The following PHC2 variants were observed in gnomAD, a reference collection of about 807,000 sequenced individuals.
PHC2 encodes the protein polyhomeotic-like protein 2.
In PHC2, 29 loss-of-function variants were observed where a neutral mutation model predicts 87.4. That is an observed-to-expected ratio of 0.33 (90% CI 0.25 to 0.45). The LOEUF (loss-of-function observed/expected upper bound fraction) is 0.45. PHC2 is among the 20% of genes least tolerant of loss of function. The pLI, the probability that PHC2 is intolerant of heterozygous loss-of-function variation, is 1.00. For synonymous variants in PHC2, 438 were observed against 461.7 expected, an observed-to-expected ratio of 0.95 and a Z score of 0.66; for missense variants, 857 against 1,136.7, an observed-to-expected ratio of 0.75 and a Z score of 3.54.
intron 9 of PHC2, among the ~76,000 whole-genome samples, chr1:33,350,718 A>C (rs1570472342): frequency 3.5e-5 from 5 of 140,992 alleles, no homozygotes; most frequent in South Asian, 2.3e-4. Flanking sequence ...TTCTCCCCCC[A>C]CCCCTTTCCA....
At chr1:33,345,644 A>G in intron 9 of PHC2, 2 of 983,974 alleles carry the variant, frequency 2.0e-6, no homozygotes, top group Middle Eastern at 5.2e-4. Context: ...TCTAAATTGT[A>G]TAATTCTTGA....
intron 1 of PHC2, among the ~76,000 whole-genome samples, chr1:33,417,557 G>A (rs942525483): frequency 1.3e-5 from 2 of 152,082 alleles, no homozygotes; most frequent in Non-Finnish European, 2.9e-5. Context: ...TAATGATAAA[G>A]GGGCAGTTCA....
chr1:33,387,471 A>G (rs1648823410), intron 1 of PHC2, among the ~76,000 whole-genome samples: 1 of 152,208 alleles, frequency 6.6e-6, no homozygotes. Context: ...GGCCTTAATT[A>G]GGTATGTAGA....
At position 33,368,383 on chromosome 1, in the gene PHC2, G is replaced by A. The variant is rs182484182; in HGVS notation, c.663+153C>T. 3.1e-4 allele frequency among the ~76,000 whole-genome samples: 47 copies of A among 152,344 alleles called. No individual in the cohort carries two copies. In the East Asian group the frequency reaches 7.7e-3, roughly 25 times the overall value. On this transcript the variant is annotated intron_variant, in intron 6 of 14. Transcript: ENST00000683057. The surrounding 1 kb of genome is among the most constrained non-coding windows in gnomAD (Gnocchi z 6.6). ...GGAGGGACTGAGGCCTTCTGGAACAGGGTAGACGCGCAGGCCTGGGGGCAT... is the reference window on the plus strand; with the variant it reads ...GGAGGGACTGAGGCCTTCTGGAACAAGGTAGACGCGCAGGCCTGGGGGCAT...
chr1:33,334,358 G>T lies in PHC2; in HGVS notation c.1559-66C>A. On this transcript the variant is annotated intron_variant, in intron 9 of 14. Coordinates refer to ENST00000683057, the MANE Select transcript of PHC2 (RefSeq NM_001385109.1). The surrounding 1 kb of genome is among the most constrained non-coding windows in gnomAD (Gnocchi z 5.5). ...GAACCAGAGTCCACGCCCAGGGAGGGACAGCAAGGACTCAAACTGCGCCCG... is the reference window on the plus strand; with the variant it reads ...GAACCAGAGTCCACGCCCAGGGAGGTACAGCAAGGACTCAAACTGCGCCCG... 1 of 1,441,352 alleles carries T rather than the reference G, an allele frequency of 6.9e-7. No homozygotes were observed. The highest frequency in any genetic ancestry group is 9.6e-7 in the Non-Finnish European group (1 of 1,037,392). 89.3% of individuals were successfully genotyped at this position (1,441,352 alleles called of 1,614,324 possible).
rs768294038 is a variant in PHC2, at chr1:33,372,415, G to A, written c.207C>T (p.Ser69=). 7 of 1,598,578 alleles carry A rather than the reference G, an allele frequency of 4.4e-6. No individual in the cohort carries two copies. Among genetic ancestry groups the A allele is most frequent in the East Asian group, 2.3e-5 (1 of 44,226 alleles). Residue 69 remains serine (S), a synonymous_variant, in exon 3 of 15, where the codon AGC becomes AGT. Coordinates refer to ENST00000683057, the MANE Select transcript of PHC2 (RefSeq NM_001385109.1). The part of the protein sequence containing the change: ...VIQQALHRQP[S]TAAQYLQQMY... ...TCTGCTGCAGGTACTGAGCGGCCGTGCTGGGCTGTCTGTGCAGGGCCTGCT... is the reference window on the plus strand; with the variant it reads ...TCTGCTGCAGGTACTGAGCGGCCGTACTGGGCTGTCTGTGCAGGGCCTGCT...
Position 33,332,358 on chromosome 1 carries a change from G to A in PHC2, c.1808C>T (p.Ala603Val). ...LLVGNLKKKY[A>V]QGFLPEKLPQ... ...AAGTTTCTCAGGCAGGAACCCCTGT[G>A]CATACTTCTTCTTGAGATTCCCCAC... Residue 603 changes from alanine (A) to valine (V), a missense_variant, in exon 11 of 15, where the codon GCA becomes GTA. Transcript: ENST00000683057. This position sits in a 1 kb window ranked among gnomAD's most constrained non-coding sequence, Gnocchi z 4.2. 1 of 1,614,164 alleles carries A rather than the reference G, an allele frequency of 6.2e-7. No homozygotes were observed. Among genetic ancestry groups the A allele is most frequent in the East Asian group, 2.2e-5 (1 of 44,880 alleles).
At chr1:33,419,965 C>T (rs1246492508) in intron 1 of PHC2, among the ~76,000 whole-genome samples, 1 of 152,006 alleles carries the variant, frequency 6.6e-6, no homozygotes, top group Non-Finnish European at 1.5e-5. Flanking sequence ...AGATATAACC[C>T]CCCCATGTCA....
At chr1:33,430,079 G>A (rs563254208) in intron 1 of PHC2, among the ~76,000 whole-genome samples, 2 of 152,234 alleles carry the variant, frequency 1.3e-5, no homozygotes, top group South Asian at 4.1e-4. Context: ...TTAGTGAATT[G>A]GGGGAGGGGG....
intron 1 of PHC2, among the ~76,000 whole-genome samples, chr1:33,397,313 T>C (rs528619606): frequency 1.3e-5 from 2 of 152,190 alleles, no homozygotes; most frequent in African/African-American, 4.8e-5. Context: ...AGGCCAGTAG[T>C]TGAGGGCCAC....
chr1:33,412,269 C>T (rs934308111), intron 1 of PHC2, among the ~76,000 whole-genome samples: 6 of 152,298 alleles, frequency 3.9e-5, no homozygotes, highest in African/African-American at 1.2e-4. Context: ...TTAAGTAACT[C>T]GACCAGGGTT....
chr1:33,371,678 G>A (rs2148327823), intron 3 of PHC2, among the ~76,000 whole-genome samples: 1 of 152,358 alleles, frequency 6.6e-6, no homozygotes, highest in South Asian at 2.1e-4. Context: ...ACCATGCAAT[G>A]CAAGGCCGTC....
In PHC2 at chr1:33,332,301, G is replaced by A. The variant is rs1646518396; in HGVS notation, c.1865C>T (p.Ser622Leu). ...TTGCAGATAGGGCTCCTCCATCTCC[G>A]AGTCAGTGGTGGTGGTGTGATCCTG... ...PQQDHTTTTD[S>L]EMEEPYLQES... The change falls in exon 11 of 15, where the codon TCG becomes TTG. Residue 622 changes from serine (S) to leucine (L), a missense_variant. Around this residue, in one of 3 missense-constraint regions of PHC2, gnomAD observed 832 missense variants for 1,081.8 expected, o/e 0.77. Transcript: ENST00000683057. This position sits in a 1 kb window ranked among gnomAD's most constrained non-coding sequence, Gnocchi z 4.2. The A allele has an allele frequency of 3.7e-6, 6 of 1,614,024 alleles. No homozygotes were observed. The highest frequency in any genetic ancestry group is 4.2e-6 in the Non-Finnish European group (5 of 1,180,020).
chr1:33,372,500 C>T, intron 2 of PHC2, 53 bp from the exon 3 acceptor site: 1 of 1,438,236 alleles, frequency 7.0e-7, no homozygotes, highest in South Asian at 1.5e-5. Context: ...ACACAGAACA[C>T]CCCTTTGGCA....
At chr1:33,347,992 CTATT>C (rs1442687606) in intron 9 of PHC2, 1 of 152,236 alleles carries the variant, frequency 6.6e-6, no homozygotes, top group Non-Finnish European at 1.5e-5. Flanking sequence ...ATGTTGGGAG[CTATT>C]TGTTAAAATC....
intron 7 of PHC2, among the ~76,000 whole-genome samples, chr1:33,361,135 A>G (rs550924658): frequency 2.6e-5 from 4 of 152,316 alleles, no homozygotes; most frequent in Admixed American, 2.0e-4. Context: ...GAGAGAAGAG[A>G]CAACAGCATA....
At chr1:33,344,480 T>G (rs892304885) in intron 9 of PHC2, among the ~76,000 whole-genome samples, 1 of 152,256 alleles carries the variant, frequency 6.6e-6, no homozygotes, top group East Asian at 1.9e-4. Flanking sequence ...ATGGAAACAT[T>G]ACTCCTTTCC....
At chr1:33,383,991 C>T (rs1648619224) in intron 1 of PHC2, among the ~76,000 whole-genome samples, 1 of 152,168 alleles carries the variant, frequency 6.6e-6, no homozygotes, top group South Asian at 2.1e-4. Flanking sequence ...TTTTAAGCCA[C>T]CCAGTTTGTG....
intron 1 of PHC2, among the ~76,000 whole-genome samples, chr1:33,420,268 C>T (rs1424088745): frequency 6.6e-6 from 1 of 152,196 alleles, no homozygotes; most frequent in Non-Finnish European, 1.5e-5. Context: ...AACTATAACA[C>T]CACAATAGTG....
Sources: gnomAD v4.1 joint callset for allele counts (sites outside exome capture counted in the v4.1 genomes callset) on GRCh38, gnomAD v4.1.1 for gene constraint, gnomAD v4.1.1 regional missense constraint, Gnocchi (gnomAD v3.1) non-coding constraint, MANE v1.5 for transcripts, NCBI Gene and HGNC (gene_info 2026-07-23, HGNC 2026-07-21) for gene names.